CEP57L1: variants seen among roughly 807,000 people sequenced by gnomAD.
The protein encoded by CEP57L1 is centrosomal protein 57 like 1, also known as centrosomal protein CEP57L1.
Under a neutral mutation model 61.0 loss-of-function variants are expected in CEP57L1, and 37 were observed. That is an observed-to-expected ratio of 0.61 (90% CI 0.47 to 0.80). CEP57L1 has a LOEUF of 0.80. Ranked by LOEUF, CEP57L1 falls within the 30% of genes least tolerant of loss-of-function variation. CEP57L1 has a pLI of 0.00. For synonymous variants in CEP57L1, 137 were observed against 162.3 expected, an observed-to-expected ratio of 0.84 and a Z score of 1.19; for missense variants, 422 against 524.7, an observed-to-expected ratio of 0.80 and a Z score of 1.91.
At position 109,095,549 on chromosome 6, in the gene CEP57L1, C is replaced by T. The variant is rs1378788408; in HGVS notation, c.-30C>T. 5.1e-6 allele frequency: 5 copies of T among 985,826 alleles called. No homozygotes were observed. The highest frequency in any genetic ancestry group is 6.0e-6 in the Non-Finnish European group (5 of 829,940). The allele number at this position is 985,826 out of a possible 1,614,324, so 61.1% of individuals were successfully genotyped here. On this transcript the variant is annotated 5_prime_UTR_variant, in exon 1 of 11. Coordinates refer to ENST00000517392, the MANE Select transcript of CEP57L1 (RefSeq NM_001271852.3). Reference sequence around the variant, plus strand: ...CCCGCGAACCAACGGTTAGCGGTGGCAGGGGCTGACTGAGAGCGTCTGCTT... The same window carrying T: ...CCCGCGAACCAACGGTTAGCGGTGGTAGGGGCTGACTGAGAGCGTCTGCTT...
Position 109,159,295 on chromosome 6 carries a change from C to T in CEP57L1, c.849C>T (p.Ile283=). The part of the protein sequence containing the change: ...EKMRQHRDPH[I]LQKPFNVTET... Reference sequence around the variant, plus strand: ...TGAGGCAACATCGTGACCCACATATCCTTCAGAAACCTTTTAACGTGACTG... The same window carrying T: ...TGAGGCAACATCGTGACCCACATATTCTTCAGAAACCTTTTAACGTGACTG... The change falls in exon 9 of 11, where the codon ATC becomes ATT. Residue 283 remains isoleucine, a synonymous_variant. Transcript: ENST00000517392. 6 of 1,614,026 alleles carry T rather than the reference C, an allele frequency of 3.7e-6. No homozygotes were observed. Among genetic ancestry groups the T allele is most frequent in the Non-Finnish European group, 5.1e-6 (6 of 1,179,942 alleles).
At chr6:109,132,575 C>T (rs1333865738) in intron 1 of CEP57L1, among the ~76,000 whole-genome samples, 4 of 152,070 alleles carry the variant, frequency 2.6e-5, no homozygotes, top group African/African-American at 9.7e-5. Context: ...TAATGTATTT[C>T]CTGGTGATTA....
At chr6:109,150,821 G>A (rs1772533885) in intron 4 of CEP57L1, among the ~76,000 whole-genome samples, 1 of 151,980 alleles carries the variant, frequency 6.6e-6, no homozygotes, top group East Asian at 1.9e-4. Context: ...AATAAGTACT[G>A]GTCTAGAATT....
chr6:109,101,244 A>T (rs1384341116), intron 1 of CEP57L1, among the ~76,000 whole-genome samples: 1 of 152,214 alleles, frequency 6.6e-6, no homozygotes, highest in African/African-American at 2.4e-5. Flanking sequence ...GGGAACAGAT[A>T]TTGAGAGGTT....
intron 3 of CEP57L1, among the ~76,000 whole-genome samples, 190 bp downstream of exon 3, chr6:109,147,127 CTT>C (rs1772053492): frequency 6.6e-6 from 1 of 152,108 alleles, no homozygotes; most frequent in African/African-American, 2.4e-5. Context: ...TCTATCATAT[CTT>C]ACTTATCATA....
chr6:109,123,977 A>G (rs1344439799), intron 1 of CEP57L1, among the ~76,000 whole-genome samples: 1 of 152,088 alleles, frequency 6.6e-6, no homozygotes, highest in African/African-American at 2.4e-5. Flanking sequence ...AAGCTGAGGC[A>G]GAAGAATTGC....
intron 1 of CEP57L1, among the ~76,000 whole-genome samples, chr6:109,121,256 A>G (rs1296058107): frequency 1.3e-5 from 2 of 152,204 alleles, no homozygotes; most frequent in African/African-American, 2.4e-5. Flanking sequence ...TTAGTCATCT[A>G]GCAACTCATT....
chr6:109,155,994 A>G (rs1773181976), intron 7 of CEP57L1, 117 bp downstream of exon 7: 2 of 509,964 alleles, frequency 3.9e-6, no homozygotes, highest in Admixed American at 4.1e-5. Flanking sequence ...AATAAAAGAC[A>G]TGCAATAATG....
chr6:109,133,014 AT>A (rs1174484907), intron 1 of CEP57L1, among the ~76,000 whole-genome samples: 6 of 152,214 alleles, frequency 3.9e-5, no homozygotes, highest in African/African-American at 1.4e-4. Context: ...TTAAATTAAT[AT>A]CTACCCAGTA....
chr6:109,166,567 G>A lies in CEP57L1; in HGVS notation c.*3597G>A, dbSNP rs1339216679. Among the ~76,000 whole-genome samples the A allele has an allele frequency of 6.6e-6, 1 of 152,004 alleles. No homozygotes were observed. Among genetic ancestry groups the A allele is most frequent in the African/African-American group, 2.4e-5 (1 of 41,380 alleles). On this transcript the variant is annotated 3_prime_UTR_variant, in exon 11 of 11. Transcript: ENST00000517392. ...CCAGCTAATTTTTGTATTTTTAGTA[G>A]AGATGGGGTTTCACTGTGTTAGCCA...
chr6:109,096,152 T>C (rs1781682072), intron 1 of CEP57L1, among the ~76,000 whole-genome samples: 1 of 152,128 alleles, frequency 6.6e-6, no homozygotes, highest in Admixed American at 6.5e-5. Context: ...TTAAAATTAG[T>C]TTGCTTTTAA....
chr6:109,130,568 G>A (rs368891435), intron 1 of CEP57L1, among the ~76,000 whole-genome samples: 24 of 149,582 alleles, frequency 1.6e-4, no homozygotes, highest in Non-Finnish European at 3.4e-4. Flanking sequence ...CCCTGCTTTC[G>A]GTTCTTCTGA....
chr6:109,103,776 G>C (rs1583355538), intron 1 of CEP57L1, among the ~76,000 whole-genome samples: 1 of 152,028 alleles, frequency 6.6e-6, no homozygotes, highest in African/African-American at 2.4e-5. Context: ...TTGTGAGCGA[G>C]CTCTAGCAAT....
chr6:109,138,398 G>A (rs753994704), intron 1 of CEP57L1, among the ~76,000 whole-genome samples: 7 of 152,112 alleles, frequency 4.6e-5, no homozygotes, highest in Non-Finnish European at 7.4e-5. Flanking sequence ...TATGTATCCT[G>A]AAAGATTCAA....
Position 109,164,073 on chromosome 6 carries a change from G to C in CEP57L1, c.*1103G>C, listed in dbSNP as rs1436917866. 1 of 152,184 alleles carries C rather than the reference G, an allele frequency of 6.6e-6. No homozygotes were observed. Among genetic ancestry groups the C allele is most frequent in the Non-Finnish European group, 1.5e-5 (1 of 68,034 alleles). The allele number at this position is 152,184 out of a possible 1,614,324, so 9.4% of individuals were successfully genotyped here. A position where few individuals can be genotyped will look rare whatever the true frequency, so the allele number is the denominator to read the frequency against. ...TCAAATATAGGGTAGCAGTTTAAGA[G>C]ATGGTGATTCCTAAGGGACAGAGTT... On this transcript the variant is annotated 3_prime_UTR_variant, in exon 11 of 11. Coordinates refer to ENST00000517392, the MANE Select transcript of CEP57L1 (RefSeq NM_001271852.3).
At position 109,135,244 on chromosome 6, in the gene CEP57L1, G is replaced by C. The variant is rs192457437; in HGVS notation, c.-3-9975G>C. 1.5e-3 allele frequency among the ~76,000 whole-genome samples: 235 copies of C among 151,856 alleles called. 1 individual carries two copies. Among genetic ancestry groups the C allele is most frequent in the African/African-American group, 5.4e-3 (222 of 41,292 alleles). On this transcript the variant is annotated intron_variant, in intron 1 of 10. Coordinates refer to ENST00000517392, the MANE Select transcript of CEP57L1 (RefSeq NM_001271852.3). The stretch of plus-strand genomic sequence containing the variant: ...TAGACCAATGGAACAGAACAGAGCC[G>C]TCAGAAATAATGCCACACATCTACA...
intron 1 of CEP57L1, among the ~76,000 whole-genome samples, chr6:109,135,697 A>T (rs982117795): frequency 4.6e-5 from 7 of 152,162 alleles, no homozygotes; most frequent in East Asian, 3.9e-4. Flanking sequence ...GAATCTACAA[A>T]GAACTCAAAC....
At position 109,167,692 on chromosome 6, in the gene CEP57L1, A is replaced by AG. The variant is rs1491344132; in HGVS notation, c.*4723dup. On this transcript the variant is annotated 3_prime_UTR_variant, in exon 11 of 11. Transcript: ENST00000517392. ...ACTCTGCCTCAAAGCAAAAAAAAAA[A>AG]GAAAAGAAAAGAAAAAAGGAATAGC... Among the ~76,000 whole-genome samples the AG allele has an allele frequency of 6.6e-6, 1 of 150,736 alleles. No homozygotes were observed. Among genetic ancestry groups the AG allele is most frequent in the Non-Finnish European group, 1.5e-5 (1 of 67,822 alleles).
At chr6:109,144,294 T>C (rs966014791) in intron 1 of CEP57L1, among the ~76,000 whole-genome samples, 41 of 152,098 alleles carry the variant, frequency 2.7e-4, no homozygotes, top group African/African-American at 9.7e-4. Flanking sequence ...GGTGAAATCA[T>C]GGAAAATGTA....
Sources: allele counts gnomAD v4.1 joint callset (sites outside exome capture counted in the v4.1 genomes callset), GRCh38; gene constraint gnomAD v4.1.1; transcripts MANE v1.5; gene names NCBI Gene and HGNC (gene_info 2026-07-23, HGNC 2026-07-21).